The following CACYBP variants were observed in gnomAD, a reference collection of about 807,000 sequenced individuals.
The protein encoded by CACYBP is calcyclin binding protein, also known as calcyclin-binding protein.
In CACYBP, 11 loss-of-function variants were observed where a neutral mutation model predicts 29.6. The ratio of observed to expected loss-of-function variants is 0.37; its 90% CI spans 0.23 to 0.61. The LOEUF (loss-of-function observed/expected upper bound fraction) is 0.61. CACYBP is among the 20% of genes least tolerant of loss of function. CACYBP has a pLI of 0.65. For synonymous variants in CACYBP, 73 were observed against 88.3 expected, an observed-to-expected ratio of 0.83 and a Z score of 0.97; for missense variants, 163 against 260.7, an observed-to-expected ratio of 0.63 and a Z score of 2.58.
chr1:175,004,221 T>C (rs1246601797), intron 1 of CACYBP, among the ~76,000 whole-genome samples: 1 of 152,208 alleles, frequency 6.6e-6, no homozygotes, highest in African/African-American at 2.4e-5. Context: ...CTCTTAAATA[T>C]TTTAAAAGTG....
intron 2 of CACYBP, among the ~76,000 whole-genome samples, chr1:175,005,306 C>T (rs761369344): frequency 1.4e-4 from 22 of 151,892 alleles, no homozygotes; most frequent in Non-Finnish European, 2.8e-4. Flanking sequence ...GGGACATTGA[C>T]GTATAACTCG....
intron 2 of CACYBP, among the ~76,000 whole-genome samples, chr1:175,006,210 G>C (rs1036054556): frequency 6.6e-6 from 1 of 152,170 alleles, no homozygotes; most frequent in East Asian, 1.9e-4. Flanking sequence ...GCATTTAACA[G>C]ATACCAGTAG....
At chr1:175,000,709 C>A in intron 1 of CACYBP, 1 of 619,832 alleles carries the variant, frequency 1.6e-6, no homozygotes, top group Non-Finnish European at 2.0e-6. Context: ...GCAGTAGCAT[C>A]CATTTCATAG....
At chr1:175,006,908 C>G (rs189421840) in intron 3 of CACYBP, 67 bp downstream of exon 3, 320 of 955,850 alleles carry the variant, frequency 3.3e-4, no homozygotes, top group East Asian at 5.8e-4. Context: ...TTGAGACTCT[C>G]TTCTTTGCAG....
intron 1 of CACYBP, among the ~76,000 whole-genome samples, chr1:175,003,866 CTT>C (rs1672553392): frequency 4.6e-5 from 7 of 151,714 alleles, no homozygotes; most frequent in African/African-American, 1.7e-4. Flanking sequence ...AAGTAGTAGA[CTT>C]TAATAGATGA....
At chr1:175,008,970 C>G in intron 5 of CACYBP, 1 of 334,064 alleles carries the variant, frequency 3.0e-6, no homozygotes, top group Non-Finnish European at 5.5e-6. Context: ...TTGAGAGGGG[C>G]TTAGGTACCC....
chr1:175,000,099 T>C lies in CACYBP; in HGVS notation c.-82T>C, dbSNP rs938676835. 1.2e-5 allele frequency: 18 copies of C among 1,546,660 alleles called. No individual in the cohort carries two copies. In the African/African-American group the frequency reaches 2.5e-4, roughly 21 times the overall value. On this transcript the variant is annotated 5_prime_UTR_variant, in exon 1 of 6. Coordinates refer to ENST00000367679, the MANE Select transcript of CACYBP (RefSeq NM_014412.3). ...GACTCGTGCGGGTAGGCGTCTGCGC[T>C]CGGTTTGAGGGCTCGGCGCGGGGTT...
At chr1:175,009,200 A>C (rs183000980) in intron 5 of CACYBP, among the ~76,000 whole-genome samples, 10 of 152,298 alleles carry the variant, frequency 6.6e-5, no homozygotes, top group Admixed American at 2.6e-4. Context: ...TTAAGAGGAG[A>C]GTTTTTCTAA....
At chr1:175,004,523 G>T (rs1672567820) in intron 1 of CACYBP, 91 bp from the exon 2 acceptor site, 1 of 748,900 alleles carries the variant, frequency 1.3e-6, no homozygotes, top group Non-Finnish European at 2.1e-6. Flanking sequence ...AATTCTTAGT[G>T]CTTATTTCAG....
At chr1:175,006,329 A>G (rs1441912228) in intron 2 of CACYBP, among the ~76,000 whole-genome samples, 1 of 152,226 alleles carries the variant, frequency 6.6e-6, no homozygotes, top group East Asian at 1.9e-4. Flanking sequence ...AGAAGTAGAA[A>G]TGGTTATGGA....
In CACYBP at chr1:175,011,862, G is replaced by C. The variant is rs1672765703; in HGVS notation, c.*1783G>C. The C allele has an allele frequency of 6.6e-6, 1 of 152,238 alleles. No individual in the cohort carries two copies. Among genetic ancestry groups the C allele is most frequent in the South Asian group, 2.1e-4 (1 of 4,838 alleles). 9.4% of individuals were successfully genotyped at this position (152,238 alleles called of 1,614,324 possible). On this transcript the variant is annotated 3_prime_UTR_variant, in exon 6 of 6. Coordinates refer to ENST00000367679, the MANE Select transcript of CACYBP (RefSeq NM_014412.3). ...CTCACACCTGTAATCCCAACACCTT[G>C]GGAGGCCAAGGTGGGCGGATCACTT...
intron 2 of CACYBP, chr1:175,005,169 T>G: frequency 3.0e-6 from 1 of 330,060 alleles, no homozygotes; most frequent in East Asian, 7.1e-5. Context: ...CCACCACAAT[T>G]AACTGAGGAG....
At chr1:175,008,732 G>A (rs758517552) in intron 5 of CACYBP, 26 bp downstream of exon 5, 8 of 1,027,828 alleles carry the variant, frequency 7.8e-6, no homozygotes, top group Non-Finnish European at 1.2e-5. Context: ...TTTTTTTAAA[G>A]AATTTTAGTG....
chr1:175,003,597 AT>A (rs1360770772), intron 1 of CACYBP, among the ~76,000 whole-genome samples: 1 of 152,256 alleles, frequency 6.6e-6, no homozygotes, highest in Admixed American at 6.5e-5. Context: ...ATTCTGAGTT[AT>A]AAAGCACTAA....
chr1:175,011,510 T>G lies in CACYBP; in HGVS notation c.*1431T>G, dbSNP rs938292412. 6.6e-6 allele frequency: 1 copy of G among 151,958 alleles called. No homozygotes were observed. Among genetic ancestry groups the G allele is most frequent in the Admixed American group, 6.5e-5 (1 of 15,272 alleles). The allele number at this position is 151,958 out of a possible 1,614,324, so 9.4% of individuals were successfully genotyped here. Reference sequence around the variant, plus strand: ...TATGTGACTTAAAACCTAGAAGAAATAAATAAAACTATTGATCAATTTTAA... The same window carrying G: ...TATGTGACTTAAAACCTAGAAGAAAGAAATAAAACTATTGATCAATTTTAA... On this transcript the variant is annotated 3_prime_UTR_variant, in exon 6 of 6. Transcript: ENST00000367679.
rs1672764103 is a variant in CACYBP at position 175,011,797 on chromosome 1, T to TA, written c.*1721dup. 1 of 152,182 alleles carries TA rather than the reference T, an allele frequency of 6.6e-6. No homozygotes were observed. The highest frequency in any genetic ancestry group is 2.4e-5 in the African/African-American group (1 of 41,450). 9.4% of individuals were successfully genotyped at this position (152,182 alleles called of 1,614,324 possible). A position where few individuals can be genotyped will look rare whatever the true frequency, so the allele number is the denominator to read the frequency against. ...ATATATGGGAATGGAATGCAAAAGTTAAACTTTGGTTAACAAGAATATTTG... is the reference window on the plus strand; with the variant it reads ...ATATATGGGAATGGAATGCAAAAGTTAAAACTTTGGTTAACAAGAATATTTG... On this transcript the variant is annotated 3_prime_UTR_variant, in exon 6 of 6. Transcript: ENST00000367679.
intron 1 of CACYBP, 60 bp from the exon 2 acceptor site, chr1:175,004,554 G>A (rs778798815): frequency 2.6e-5 from 26 of 1,005,994 alleles, no homozygotes; most frequent in Admixed American, 1.0e-4. Flanking sequence ...TGAGTGATAC[G>A]CACAATATCA....
At chr1:174,999,630 C>A, upstream of CACYBP, 1 of 224,992 alleles carries the variant, frequency 4.4e-6, no homozygotes, top group South Asian at 5.0e-5. Context: ...GTCTGGTGTC[C>A]TAGAGCGGAC....
Position 175,008,620 on chromosome 1 carries a change from T to C in CACYBP, c.444T>C (p.Asp148=). 6.5e-7 allele frequency: 1 copy of C among 1,532,110 alleles called. No individual in the cohort carries two copies. Among genetic ancestry groups the C allele is most frequent in the East Asian group, 2.2e-5 (1 of 44,456 alleles). 94.9% of individuals were successfully genotyped at this position (1,532,110 alleles called of 1,614,324 possible). A position where few individuals can be genotyped will look rare whatever the true frequency, so the allele number is the denominator to read the frequency against. Reference sequence around the variant, plus strand: ...TGCTTTTCTTCCAGGTCAAGACTGATACAGTTCTTATATTGTGTAGAAAGA... The same window carrying C: ...TGCTTTTCTTCCAGGTCAAGACTGACACAGTTCTTATATTGTGTAGAAAGA... ...VEGSSKKVKT[D]TVLILCRKKV... The change falls in exon 5 of 6, where the codon GAT becomes GAC. Residue 148 remains aspartate, a synonymous_variant. Transcript: ENST00000367679.
Sources: allele counts gnomAD v4.1 joint callset (sites outside exome capture counted in the v4.1 genomes callset), GRCh38; gene constraint gnomAD v4.1.1; transcripts MANE v1.5; gene names NCBI Gene and HGNC (gene_info 2026-07-23, HGNC 2026-07-21).